SP110: variants seen among roughly 807,000 people sequenced by gnomAD.
SP110 encodes interferon-induced protein 41, 30kD.
In SP110, 62 loss-of-function variants were observed where a neutral mutation model predicts 92.7. The observed-to-expected ratio is 0.67, with a 90% CI of 0.55 to 0.83. The LOEUF is 0.83. Ranked by LOEUF, SP110 falls within the 40% of genes least tolerant of loss-of-function variation. The probability of loss-of-function intolerance (pLI) is 0.00; values close to 1 mark genes in which losing one functional copy is unlikely to be tolerated. For missense variants in SP110, 793 were observed against 863.9 expected (o/e 0.92, Z 1.03); for synonymous variants, 273 against 305.3 (o/e 0.89, Z 1.10).
At chr2:230,178,091 A>T in intron 13 of SP110, 66 bp downstream of exon 13, 1 of 959,514 alleles carries the variant, frequency 1.0e-6, no homozygotes, top group Non-Finnish European at 1.7e-6. Flanking sequence ...ACACACGGGT[A>T]TTTTCCTCCC....
Position 230,202,639 on chromosome 2 carries a change from T to C in SP110, c.988A>G (p.Thr330Ala). The C allele has an allele frequency of 1.2e-6, 2 of 1,613,912 alleles. No homozygotes were observed. Among genetic ancestry groups the C allele is most frequent in the East Asian group, 4.5e-5 (2 of 44,882 alleles). ...GCCTTTTGGGCCCTTGTCTCTACCG[T>C]GGAGTTACAAGTTGAGTCATCTTTC... is the stretch of plus-strand genomic sequence containing the variant. ...QKKDDSTCNSTVETRAQKART... is the reference protein window; with the variant it reads ...QKKDDSTCNSAVETRAQKART... Residue 330 changes from threonine (T) to alanine (A), a missense_variant, in exon 9 of 19, where the codon ACG (threonine) becomes GCG (alanine). Transcript: ENST00000258381.
At chr2:230,177,744 C>A (rs2041931454) in intron 13 of SP110, 64 bp from the exon 14 acceptor site, 10 of 1,565,584 alleles carry the variant, frequency 6.4e-6, no homozygotes, top group Non-Finnish European at 8.8e-6. Context: ...TGAACCTCTT[C>A]ATCCTAATTG....
chr2:230,209,841 A>ACAAGAGACT, intron 7 of SP110, 90 bp downstream of exon 7: 2 of 812,500 alleles, frequency 2.5e-6, no homozygotes. Context: ...GTGGTCACAT[A>ACAAGAGACT]GTGGTGCTCT....
At chr2:230,186,688 G>A (rs954367958) in intron 10 of SP110, among the ~76,000 whole-genome samples, 10 of 151,888 alleles carry the variant, frequency 6.6e-5, no homozygotes, top group East Asian at 1.9e-4. Context: ...TCCATAATCC[G>A]TTATATCACT....
At chr2:230,182,202 A>G (rs1489364819) in intron 12 of SP110, among the ~76,000 whole-genome samples, 1 of 142,830 alleles carries the variant, frequency 7.0e-6, no homozygotes, top group Non-Finnish European at 1.5e-5. Flanking sequence ...AAACTAATGC[A>G]GGAACGGAAA....
rs201955580 is a variant in SP110 at position 230,209,893 on chromosome 2, C to A, written c.829+38G>T. Reference sequence around the variant, plus strand: ...GAAAAACAGAAAGCAACTCTGAATTCACCCTTCTGACCTCTACAGAAGAAA... The same window carrying A: ...GAAAAACAGAAAGCAACTCTGAATTAACCCTTCTGACCTCTACAGAAGAAA... On this transcript the variant is annotated intron_variant, in intron 7 of 18. Coordinates refer to ENST00000258381, the MANE Select transcript of SP110 (RefSeq NM_080424.4). The A allele has an allele frequency of 1.2e-5, 14 of 1,213,468 alleles. No individual in the cohort carries two copies. In the South Asian group the frequency reaches 1.3e-4, roughly 11 times the overall value. 75.2% of individuals were successfully genotyped at this position (1,213,468 alleles called of 1,614,324 possible). A position where few individuals can be genotyped will look rare whatever the true frequency, so the allele number is the denominator to read the frequency against.
intron 14 of SP110, chr2:230,173,228 C>G: frequency 2.4e-6 from 1 of 418,356 alleles, no homozygotes; most frequent in Non-Finnish European, 4.6e-6. Context: ...TTGAGCTGTG[C>G]TGCTGCCTGC....
chr2:230,207,906 T>C, intron 8 of SP110, 85 bp downstream of exon 8: 1 of 723,000 alleles, frequency 1.4e-6, no homozygotes, highest in Admixed American at 2.3e-5. Context: ...GCATTTAGAA[T>C]AAAATTCAAC....
chr2:230,171,481 G>A (rs542016775), intron 17 of SP110: 9 of 590,778 alleles, frequency 1.5e-5, no homozygotes, highest in East Asian at 5.8e-5. Context: ...CAACTTGCCC[G>A]GTATCCCAGA....
intron 1 of SP110, among the ~76,000 whole-genome samples, chr2:230,218,994 G>T (rs2045540981): frequency 6.6e-6 from 1 of 152,216 alleles, no homozygotes. Flanking sequence ...GGAGGTTGAG[G>T]TGGGCGGATC....
At chr2:230,225,489 T>A (rs760565678) in intron 1 of SP110, 140 of 355,518 alleles carry the variant, frequency 3.9e-4, no homozygotes, top group Middle Eastern at 9.4e-4. Flanking sequence ...CAGCAAGGGG[T>A]GGGGACAAAT....
intron 14 of SP110, chr2:230,176,602 C>A (rs201120477): frequency 5.6e-6 from 9 of 1,613,210 alleles, no homozygotes; most frequent in Non-Finnish European, 7.6e-6. Flanking sequence ...AACTCAGAAG[C>A]TCTAAGGTGA....
intron 14 of SP110, chr2:230,176,666 C>G: frequency 5.0e-6 from 8 of 1,613,870 alleles, no homozygotes; most frequent in Non-Finnish European, 6.8e-6. Context: ...AGTAGAAATT[C>G]ACTTGCTATT....
intron 4 of SP110, 58 bp downstream of exon 4, chr2:230,212,703 A>G: frequency 6.2e-7 from 1 of 1,604,494 alleles, no homozygotes; most frequent in Non-Finnish European, 8.5e-7. Flanking sequence ...TGGCGGCAAC[A>G]TGGCACAGGC....
At chr2:230,176,469 A>G (rs1018777062) in intron 14 of SP110, 2 of 1,456,146 alleles carry the variant, frequency 1.4e-6, no homozygotes, top group Non-Finnish European at 1.8e-6. Context: ...ACACATGGAC[A>G]TGATGAGCTT....
At chr2:230,197,277 A>G (rs1485383842) in intron 10 of SP110, among the ~76,000 whole-genome samples, 3 of 148,926 alleles carry the variant, frequency 2.0e-5, no homozygotes, top group African/African-American at 4.9e-5. Context: ...TTTGATTTGC[A>G]TTTCTCTGAT....
chr2:230,170,874 T>C (rs1205271270), intron 17 of SP110, 113 bp from the exon 18 acceptor site: 1 of 1,103,080 alleles, frequency 9.1e-7, no homozygotes, highest in Admixed American at 1.9e-5. Context: ...TAATACCATT[T>C]GACCTCTTTA....
intron 17 of SP110, 142 bp from the exon 18 acceptor site, chr2:230,170,903 G>T: frequency 1.2e-6 from 1 of 811,002 alleles, no homozygotes; most frequent in Non-Finnish European, 2.1e-6. Flanking sequence ...ATTGTTCTAG[G>T]CACTAGATAA....
chr2:230,202,019 G>A (rs2043233459), intron 9 of SP110, among the ~76,000 whole-genome samples: 1 of 152,142 alleles, frequency 6.6e-6, no homozygotes, highest in African/African-American at 2.4e-5. Context: ...ACAACTGAAT[G>A]CAGAAACAGT....
Sources: allele counts gnomAD v4.1 joint callset (sites outside exome capture counted in the v4.1 genomes callset), GRCh38; gene constraint gnomAD v4.1.1; transcripts MANE v1.5; gene names NCBI Gene and HGNC (gene_info 2026-07-23, HGNC 2026-07-21).